BCORL1: variants seen among roughly 807,000 people sequenced by gnomAD.
BCORL1 encodes BCL-6 corepressor-like protein 1.
In BCORL1, 7 loss-of-function variants were observed where a neutral mutation model predicts 87.6. The ratio of observed to expected loss-of-function variants is 0.08; its 90% CI spans 0.05 to 0.15. BCORL1 has a LOEUF of 0.15. BCORL1 is among the 10% of genes least tolerant of loss of function. The pLI, the probability that BCORL1 is intolerant of heterozygous loss-of-function variation, is 1.00. For missense variants in BCORL1, 1,215 were observed against 1,499.7 expected (o/e 0.81, Z 3.13); for synonymous variants, 591 against 634.4 (o/e 0.93, Z 1.03).
In BCORL1 at chrX:130,015,154, G is replaced by T; in HGVS notation, c.2382G>T (p.Leu794=). Reference sequence around the variant, plus strand: ...CTCCAGCCCGCATTGCCCCTGGGCTGCCAGGGTGCCAAACCAAGGAACTCT... The same window carrying T: ...CTCCAGCCCGCATTGCCCCTGGGCTTCCAGGGTGCCAAACCAAGGAACTCT... ...RYTPARIAPG[L]PGCQTKELSL... The change falls in exon 4 of 14, where the codon CTG becomes CTT. Residue 794 remains leucine, a synonymous_variant. Coordinates refer to ENST00000540052, the MANE Select transcript of BCORL1 (RefSeq NM_001379451.1). 8.2e-7 allele frequency: 1 copy of T among 1,212,350 alleles called. No homozygotes were observed. Among genetic ancestry groups the T allele is most frequent in the Non-Finnish European group, 1.1e-6 (1 of 895,606 alleles).
intron 11 of BCORL1, among the ~76,000 whole-genome samples, chrX:130,048,136 C>T (rs766769098): frequency 7.1e-5 from 8 of 112,198 alleles, no homozygotes; most frequent in South Asian, 3.7e-4. Context: ...GGGGGAAACC[C>T]GCCATCACCT....
intron 11 of BCORL1, among the ~76,000 whole-genome samples, chrX:130,044,681 G>GT (rs760658048): frequency 9.1e-6 from 1 of 110,310 alleles, no homozygotes; most frequent in Non-Finnish European, 1.9e-5. Flanking sequence ...GGCTAATTTT[G>GT]TTTTTTCAGT....
Position 130,013,411 on chromosome X carries a change from G to T in BCORL1, c.639G>T (p.Val213=). 8.3e-7 allele frequency: 1 copy of T among 1,210,761 alleles called. No homozygotes were observed. The change falls in exon 4 of 14, where the codon GTG becomes GTT. Residue 213 remains valine, a synonymous_variant. Transcript: ENST00000540052. The part of the protein sequence containing the change: ...ICPPAPGSAS[V]PHSVPDAFQV... Reference sequence around the variant, plus strand: ...CCCCTGCTCCCGGTTCGGCCTCTGTGCCCCACTCTGTTCCAGATGCATTCC... The same window carrying T: ...CCCCTGCTCCCGGTTCGGCCTCTGTTCCCCACTCTGTTCCAGATGCATTCC...
chrX:130,026,606 T>C (rs1930259987), intron 7 of BCORL1, among the ~76,000 whole-genome samples: 1 of 112,462 alleles, frequency 8.9e-6, no homozygotes, highest in African/African-American at 3.2e-5. Context: ...CTGTGGAACA[T>C]ATTGGCGCTT....
chrX:130,046,610 G>A (rs1263916700), intron 11 of BCORL1, among the ~76,000 whole-genome samples: 11 of 109,719 alleles, frequency 1.0e-4, no homozygotes, highest in Non-Finnish European at 1.3e-4. Flanking sequence ...GCAGTGGCGC[G>A]ATCTGGGCTC....
At chrX:130,029,645 T>C (rs868613169) in intron 8 of BCORL1, among the ~76,000 whole-genome samples, 39 of 108,310 alleles carry the variant, frequency 3.6e-4, no homozygotes, top group African/African-American at 1.3e-3. Flanking sequence ...TCTTATTTTT[T>C]TTTTTCTCTC....
chrX:129,990,292 C>T (rs1294011780), intron 1 of BCORL1, among the ~76,000 whole-genome samples: 6 of 109,669 alleles, frequency 5.5e-5, no homozygotes, highest in Non-Finnish European at 5.7e-5. Flanking sequence ...AGTGCAGTGG[C>T]GCTATCTCGG....
rs1013439381 is a variant in BCORL1 at position 130,013,451 on chromosome X, G to A, written c.679G>A (p.Val227Ile). Residue 227 changes from valine (V) to isoleucine (I), a missense_variant, in exon 4 of 14, where the codon GTC (valine) becomes ATC (isoleucine). Physicochemically the swap from Val to Ile is conservative, Grantham distance 29. This residue lies in a region of BCORL1 where 861 missense variants were observed against 1,010.0 expected (regional missense o/e 0.85). Coordinates refer to ENST00000540052, the MANE Select transcript of BCORL1 (RefSeq NM_001379451.1). ...VPDAFQVPLS[V>I]PAPVPHSGLV... Reference sequence around the variant, plus strand: ...AGATGCATTCCAGGTTCCCCTCTCCGTCCCTGCCCCAGTCCCCCATTCAGG... The same window carrying A: ...AGATGCATTCCAGGTTCCCCTCTCCATCCCTGCCCCAGTCCCCCATTCAGG... 6.6e-6 allele frequency: 8 copies of A among 1,208,127 alleles called. No individual in the cohort carries two copies. The highest frequency in any genetic ancestry group is 3.5e-5 in the South Asian group (2 of 56,683).
chrX:129,983,127 C>T (rs1198569714), intron 1 of BCORL1, among the ~76,000 whole-genome samples: 1 of 110,828 alleles, frequency 9.0e-6, no homozygotes, highest in African/African-American at 3.3e-5. Flanking sequence ...CCTTCCACTT[C>T]CCACCTTCGT....
intron 1 of BCORL1, among the ~76,000 whole-genome samples, chrX:129,988,606 T>G (rs778005819): frequency 1.8e-5 from 2 of 112,042 alleles, no homozygotes; most frequent in South Asian, 7.4e-4. Flanking sequence ...TCACAGTATG[T>G]GAGGCAGGAT....
intron 9 of BCORL1, 109 bp downstream of exon 9, chrX:130,034,785 C>T (rs1320552553): frequency 1.3e-5 from 7 of 519,333 alleles, no homozygotes; most frequent in Non-Finnish European, 2.0e-5. Flanking sequence ...CCTCCCTCTA[C>T]ACCCCAGATT....
intron 2 of BCORL1, among the ~76,000 whole-genome samples, chrX:130,011,002 TAAAAAAAAAAAAAAAAAAAAAA>T: frequency 5.2e-5 from 1 of 19,095 alleles, no homozygotes; most frequent in African/African-American, 1.7e-4. Context: ...AGATTCAATC[TAAAAAAAAAAAAAAAAAAAAAA>T]AAAAAAAAAA....
chrX:130,007,926 C>G (rs907821808), intron 2 of BCORL1, among the ~76,000 whole-genome samples: 1 of 111,631 alleles, frequency 9.0e-6, no homozygotes, highest in Non-Finnish European at 1.9e-5. Context: ...TTCCCTCCAT[C>G]TTGTTTTTTG....
chrX:130,025,052 C>G lies in BCORL1; in HGVS notation c.3751C>G (p.Pro1251Ala). 1 of 1,211,876 alleles carries G rather than the reference C, an allele frequency of 8.3e-7. No homozygotes were observed. Among genetic ancestry groups the G allele is most frequent in the Non-Finnish European group, 1.1e-6 (1 of 895,470 alleles). ...TGACATGGGAAGCCAGGAAGTCTTC[C>G]CCACAGAAGAAGAAGAGGAGGTAAC... Reference protein sequence around the residue: ...DSDMGSQEVFPTEEEEEVTPT... With the variant: ...DSDMGSQEVFATEEEEEVTPT... The change falls in exon 7 of 14, where the codon CCC becomes GCC. Residue 1251 changes from proline to alanine, a missense_variant. Pro to Ala is a conservative substitution (Grantham distance 27). Around this residue, in one of 5 missense-constraint regions of BCORL1, gnomAD observed 166 missense variants for 196.5 expected, o/e 0.84. Transcript: ENST00000540052.
intron 11 of BCORL1, among the ~76,000 whole-genome samples, chrX:130,048,836 T>A (rs1442557253): frequency 8.9e-6 from 1 of 112,108 alleles, no homozygotes; most frequent in Non-Finnish European, 1.9e-5. Flanking sequence ...CCCCAGGCCC[T>A]GGCAACCACC....
chrX:130,009,546 G>A (rs957921127), intron 2 of BCORL1, among the ~76,000 whole-genome samples: 2 of 109,979 alleles, frequency 1.8e-5, no homozygotes, highest in Non-Finnish European at 3.8e-5. Context: ...TGTGGGACTC[G>A]AACCAGGGAA....
intron 11 of BCORL1, among the ~76,000 whole-genome samples, chrX:130,041,611 T>C (rs1473392267): frequency 1.8e-5 from 2 of 112,154 alleles, no homozygotes; most frequent in Non-Finnish European, 1.9e-5. Flanking sequence ...TGCCAGTCTA[T>C]GTTGCAGAAT....
Position 130,055,959 on chromosome X carries a change from G to A in BCORL1, c.5181G>A (p.Lys1727=), listed in dbSNP as rs1452658310. 8.2e-7 allele frequency: 1 copy of A among 1,212,165 alleles called. No homozygotes were observed. The highest frequency in any genetic ancestry group is 1.1e-6 in the Non-Finnish European group (1 of 895,611). ...ACTTTGAAATCACCACCATGCCCAA[G>A]GCCGAGTTCTACAGGCAGGTGGCCT... ...FPHFEITTMP[K]AEFYRQVASS... The change falls in exon 14 of 14, where the codon AAG becomes AAA. Residue 1727 remains lysine, a synonymous_variant. Transcript: ENST00000540052.
chrX:130,054,961 G>T (rs1391412158), intron 13 of BCORL1, among the ~76,000 whole-genome samples: 2 of 111,623 alleles, frequency 1.8e-5, no homozygotes, highest in Non-Finnish European at 1.9e-5. Context: ...GAGGGTGGGT[G>T]GGGGTGCAGA....
Sources: allele counts gnomAD v4.1 joint callset (sites outside exome capture counted in the v4.1 genomes callset), GRCh38; gene constraint gnomAD v4.1.1; regional missense constraint gnomAD v4.1.1; transcripts MANE v1.5; gene names NCBI Gene and HGNC (gene_info 2026-07-23, HGNC 2026-07-21).